Variants in PAQR5 observed in about 807,000 individuals in gnomAD.
PAQR5 encodes membrane progestin receptor gamma.
A neutral mutation model predicts 34.5 loss-of-function variants in PAQR5; 20 were observed. The observed-to-expected ratio is 0.58, with a 90% CI of 0.41 to 0.84. The LOEUF (loss-of-function observed/expected upper bound fraction) is 0.84, where lower values mean the gene tolerates loss of function less well. PAQR5 is among the 40% of genes least tolerant of loss of function. PAQR5 has a pLI of 0.00. For synonymous variants in PAQR5, 131 were observed against 155.6 expected (o/e 0.84, Z 1.18); for missense variants, 378 against 412.7 (o/e 0.92, Z 0.73).
At position 69,301,859 on chromosome 15, in the gene PAQR5, ATTTTTTTTTTTTTTTTT is replaced by A. The variant is rs71149903; in HGVS notation, c.-277+2824_-277+2840del. On this transcript the variant is annotated intron_variant, in intron 1 of 8. Coordinates refer to ENST00000395407, the MANE Select transcript of PAQR5 (RefSeq NM_017705.4). ...GTGAATTCATAAGAAATGGGGGGAGATTTTTTTTTTTTTTTTTTTTTTTTTTTTTTTTTTTTTAGCAC... is the reference window on the plus strand; with the variant it reads ...GTGAATTCATAAGAAATGGGGGGAGATTTTTTTTTTTTTTTTTTTTAGCAC... Among the ~76,000 whole-genome samples, 9 of 98,850 alleles carry A rather than the reference ATTTTTTTTTTTTTTTTT, an allele frequency of 9.1e-5. 1 individual carries two copies. Among genetic ancestry groups the A allele is most frequent in the African/African-American group, 4.6e-4 (8 of 17,282 alleles). 64.8% of individuals were successfully genotyped at this position (98,850 alleles called of 152,430 possible). A position where few individuals can be genotyped will look rare whatever the true frequency, so the allele number is the denominator to read the frequency against.
At chr15:69,321,601 AGTTT>A (rs1408908775) in intron 1 of PAQR5, among the ~76,000 whole-genome samples, 1 of 152,212 alleles carries the variant, frequency 6.6e-6, no homozygotes, top group Non-Finnish European at 1.5e-5. Flanking sequence ...TTTTACAATT[AGTTT>A]GTTTGAGATT....
chr15:69,338,657 T>C (rs541213226), intron 2 of PAQR5, among the ~76,000 whole-genome samples: 2 of 152,162 alleles, frequency 1.3e-5, no homozygotes, highest in African/African-American at 4.8e-5. Context: ...CACCTTGAGA[T>C]TAAGGTGTTA....
At chr15:69,301,077 A>C (rs28562382) in intron 1 of PAQR5, among the ~76,000 whole-genome samples, 96,658 of 147,276 alleles carry the variant, frequency 0.66, 32,468 homozygotes, top group Non-Finnish European at 0.73. Flanking sequence ...GATCTCAGCT[A>C]ACTGCAACCT....
Position 69,376,496 on chromosome 15 carries a change from A to G in PAQR5, c.52-3387A>G, listed in dbSNP as rs137996707. On this transcript the variant is annotated intron_variant, in intron 3 of 8. Transcript: ENST00000395407. ...AACTAAGACCTAGTAATAGGGTTCC[A>G]TAGACAGAGGTTCAAGTTGGGGAGG... 3.3e-5 allele frequency among the ~76,000 whole-genome samples: 5 copies of G among 152,338 alleles called. No homozygotes were observed. In the East Asian group the frequency reaches 9.7e-4, roughly 29 times the overall value.
chr15:69,374,551 C>T (rs1381212195), intron 3 of PAQR5, among the ~76,000 whole-genome samples: 2 of 152,174 alleles, frequency 1.3e-5, no homozygotes, highest in African/African-American at 4.8e-5. Flanking sequence ...GTGGCATGTG[C>T]CTGTAATCCC....
chr15:69,372,153 A>G (rs1393613565), intron 3 of PAQR5, among the ~76,000 whole-genome samples: 4 of 152,234 alleles, frequency 2.6e-5, no homozygotes, highest in Non-Finnish European at 5.9e-5. Flanking sequence ...ACCATGTGCT[A>G]CCACACCCAG....
chr15:69,366,930 A>G (rs1021795706), intron 3 of PAQR5, among the ~76,000 whole-genome samples: 1 of 152,024 alleles, frequency 6.6e-6, no homozygotes, highest in African/African-American at 2.4e-5. Flanking sequence ...ATGATTTTGT[A>G]GTGATTATCT....
chr15:69,303,281 TAC>T (rs2053644230), intron 1 of PAQR5, among the ~76,000 whole-genome samples: 1 of 152,038 alleles, frequency 6.6e-6, no homozygotes, highest in Non-Finnish European at 1.5e-5. Flanking sequence ...CACTTTGAAT[TAC>T]CTTGGTTGCT....
chr15:69,345,189 A>G (rs1370498605), intron 2 of PAQR5, among the ~76,000 whole-genome samples: 1 of 152,154 alleles, frequency 6.6e-6, no homozygotes, highest in Non-Finnish European at 1.5e-5. Context: ...ACAGTGGAAA[A>G]GCTATTTTAA....
At chr15:69,330,917 C>A (rs1196226374) in intron 1 of PAQR5, among the ~76,000 whole-genome samples, 1 of 152,136 alleles carries the variant, frequency 6.6e-6, no homozygotes, top group Non-Finnish European at 1.5e-5. Context: ...GGCTACCTGC[C>A]CATGGTTCGG....
At position 69,329,869 on chromosome 15, in the gene PAQR5, C is replaced by T. The variant is rs1243204246; in HGVS notation, c.-276-7472C>T. ...AATGTGTTCTTTGTAGTAATAGTAG[C>T]CATAATAGTAGCCATAGTGGTAAAT... On this transcript the variant is annotated intron_variant, in intron 1 of 8. Coordinates refer to ENST00000395407, the MANE Select transcript of PAQR5 (RefSeq NM_017705.4). Among the ~76,000 whole-genome samples the T allele has an allele frequency of 2.0e-5, 3 of 152,098 alleles. No individual in the cohort carries two copies. The East Asian group carries it at 5.8e-4, about 29-fold the overall frequency.
At chr15:69,311,942 C>T (rs1387490322) in intron 1 of PAQR5, among the ~76,000 whole-genome samples, 1 of 152,192 alleles carries the variant, frequency 6.6e-6, no homozygotes, top group Admixed American at 6.5e-5. Flanking sequence ...GGTCAGTAAA[C>T]TGCAGGCCCA....
chr15:69,315,683 T>C (rs1000877820), intron 1 of PAQR5, among the ~76,000 whole-genome samples: 6 of 152,100 alleles, frequency 3.9e-5, no homozygotes, highest in Non-Finnish European at 5.9e-5. Context: ...TTGGGAGAGG[T>C]GTCTAAACTA....
At chr15:69,397,950 G>A (rs139645054) in intron 7 of PAQR5, among the ~76,000 whole-genome samples, 52 of 152,282 alleles carry the variant, frequency 3.4e-4, no homozygotes, top group African/African-American at 1.1e-3. Context: ...CTGGGGGCTC[G>A]GGAACGTCAT....
chr15:69,353,497 C>T lies in PAQR5; in HGVS notation c.-115-6469C>T, dbSNP rs561274161. Among the ~76,000 whole-genome samples the T allele has an allele frequency of 6.3e-4, 96 of 152,292 alleles. 1 individual carries two copies. The highest frequency in any genetic ancestry group is 2.3e-3 in the African/African-American group (94 of 41,562). ...TGGAATTCACTGGTCTTACCATGTT[C>T]CCGTTATTCCGAAGCAGCTGGCTTG... On this transcript the variant is annotated intron_variant, in intron 2 of 8. Transcript: ENST00000395407.
At chr15:69,345,906 T>G (rs1484139086) in intron 2 of PAQR5, among the ~76,000 whole-genome samples, 1 of 152,222 alleles carries the variant, frequency 6.6e-6, no homozygotes, top group Admixed American at 6.5e-5. Context: ...GAATAGCCAC[T>G]GCACTGAAGC....
intron 2 of PAQR5, among the ~76,000 whole-genome samples, chr15:69,338,036 C>T (rs1355910752): frequency 6.6e-6 from 1 of 152,154 alleles, no homozygotes; most frequent in Non-Finnish European, 1.5e-5. Context: ...GAGATTACAC[C>T]ACTGCACTCC....
intron 6 of PAQR5, among the ~76,000 whole-genome samples, chr15:69,393,656 G>A (rs2056332664): frequency 6.6e-6 from 1 of 152,134 alleles, no homozygotes; most frequent in African/African-American, 2.4e-5. Flanking sequence ...GAGCGGGAGA[G>A]AACCACCTTC....
chr15:69,380,186 C>T, intron 4 of PAQR5, 176 bp downstream of exon 4: 1 of 673,372 alleles, frequency 1.5e-6, no homozygotes, highest in South Asian at 1.8e-5. Flanking sequence ...TTGGGTGTGC[C>T]ACTGGGATGA....
Sources: gnomAD v4.1 joint callset for allele counts (sites outside exome capture counted in the v4.1 genomes callset) on GRCh38, gnomAD v4.1.1 for gene constraint, MANE v1.5 for transcripts, NCBI Gene and HGNC (gene_info 2026-07-23, HGNC 2026-07-21) for gene names.